Variants in INPP5D observed in about 807,000 individuals in gnomAD.
INPP5D encodes phosphatidylinositol 3,4,5-trisphosphate 5-phosphatase 1.
A neutral mutation model predicts 122.9 loss-of-function variants in INPP5D; 33 were observed. That is an observed-to-expected ratio of 0.27 (90% CI 0.20 to 0.36). The LOEUF is 0.36. INPP5D is among the 10% of genes least tolerant of loss of function. The probability of loss-of-function intolerance (pLI) is 1.00; values close to 1 mark genes in which losing one functional copy is unlikely to be tolerated. For missense variants in INPP5D, 1,053 were observed against 1,412.7 expected, an observed-to-expected ratio of 0.75 and a Z score of 4.08; for synonymous variants, 584 against 576.2, an observed-to-expected ratio of 1.01 and a Z score of -0.19.
chr2:233,122,238 C>G lies in INPP5D; in HGVS notation c.330C>G (p.Asp110Glu), dbSNP rs780515179. The stretch of plus-strand genomic sequence containing the variant: ...CGCTGGAGGAAGAGGACACAGGCGA[C>G]GACCCTGAGGAGGACACAGGTAGGG... Reference protein sequence around the residue: ...PVPLEEEDTGDDPEEDTVESV... With the variant: ...PVPLEEEDTGEDPEEDTVESV... The change falls in exon 3 of 27, where the codon GAC (aspartate) becomes GAG (glutamate). Residue 110 changes from aspartate to glutamate, a missense_variant. Coordinates refer to ENST00000445964, the MANE Select transcript of INPP5D (RefSeq NM_001017915.3). The G allele has an allele frequency of 6.2e-7, 1 of 1,613,560 alleles. No individual in the cohort carries two copies. The highest frequency in any genetic ancestry group is 1.7e-5 in the Admixed American group (1 of 59,968).
At chr2:233,184,939 T>A (rs1417489546) in intron 20 of INPP5D, among the ~76,000 whole-genome samples, 1 of 151,844 alleles carries the variant, frequency 6.6e-6, no homozygotes, top group African/African-American at 2.4e-5. Context: ...TGGCCCCTCT[T>A]GCTCGTTGGA....
At position 233,105,199 on chromosome 2, in the gene INPP5D, TG is replaced by T. The variant is rs1288241871; in HGVS notation, c.199-16905del. 4.6e-5 allele frequency among the ~76,000 whole-genome samples: 7 copies of T among 152,140 alleles called. No homozygotes were observed. The highest frequency in any genetic ancestry group is 1.7e-4 in the African/African-American group (7 of 41,436). Reference sequence around the variant, plus strand: ...GCAACAGAGCCCCCAGAAGTGGGGATGGGAGCAGGGGGGCGGTCAGTGGGTC... The same window carrying T: ...GCAACAGAGCCCCCAGAAGTGGGGATGGAGCAGGGGGGCGGTCAGTGGGTC... On this transcript the variant is annotated intron_variant, in intron 2 of 26. Transcript: ENST00000445964. This position sits in a 1 kb window ranked among gnomAD's most constrained non-coding sequence, Gnocchi z 4.0.
Position 233,193,966 on chromosome 2 carries a change from G to A in INPP5D, c.2596+5G>A. The A allele has an allele frequency of 6.3e-7, 1 of 1,589,444 alleles. No individual in the cohort carries two copies. Among genetic ancestry groups the A allele is most frequent in the Non-Finnish European group, 8.6e-7 (1 of 1,164,084 alleles). ...AGACGAGGGAGAAGCTCTATGGTAAGCAGCAAGCCCCTCCCCAGCGCCCTC... is the reference window on the plus strand; with the variant it reads ...AGACGAGGGAGAAGCTCTATGGTAAACAGCAAGCCCCTCCCCAGCGCCCTC... On this transcript the variant is annotated splice_donor_5th_base_variant and intron_variant, in intron 23 of 26. Coordinates refer to ENST00000445964, the MANE Select transcript of INPP5D (RefSeq NM_001017915.3).
In INPP5D at chr2:233,128,019, C is replaced by A. The variant is rs995232218; in HGVS notation, c.524+2100C>A. 6.6e-6 allele frequency among the ~76,000 whole-genome samples: 1 copy of A among 152,202 alleles called. No homozygotes were observed. Among genetic ancestry groups the A allele is most frequent in the Non-Finnish European group, 1.5e-5 (1 of 68,040 alleles). On this transcript the variant is annotated intron_variant, in intron 4 of 26. Transcript: ENST00000445964. This position sits in a 1 kb window ranked among gnomAD's most constrained non-coding sequence, Gnocchi z 4.5. ...AGATACATATTTTAATACAGGGGTC[C>A]CCAACCTGTGGACTATTAGGAACTG...
intron 4 of INPP5D, 48 bp downstream of exon 4, chr2:233,125,967 A>C: frequency 7.6e-6 from 12 of 1,574,960 alleles, no homozygotes; most frequent in Non-Finnish European, 1.0e-5. Flanking sequence ...CAGTGAGCCC[A>C]GCCAGGGCAG....
chr2:233,172,679 G>A (rs577620992), intron 17 of INPP5D, among the ~76,000 whole-genome samples: 8 of 152,212 alleles, frequency 5.3e-5, no homozygotes, highest in Non-Finnish European at 1.2e-4. Context: ...ATAGCGATGC[G>A]TCGCTTAACA....
At chr2:233,074,121 G>T (rs545313608) in intron 1 of INPP5D, among the ~76,000 whole-genome samples, 2 of 152,318 alleles carry the variant, frequency 1.3e-5, no homozygotes, top group African/African-American at 4.8e-5. Context: ...ACAAAGAACT[G>T]TCGAGAACAA....
intron 25 of INPP5D, among the ~76,000 whole-genome samples, chr2:233,201,860 G>A (rs543625668): frequency 6.6e-5 from 10 of 152,246 alleles, no homozygotes; most frequent in Admixed American, 3.3e-4. Flanking sequence ...GAATCAACTC[G>A]TCCCCTAGAT....
chr2:233,196,815 A>T (rs1250374560), intron 24 of INPP5D, among the ~76,000 whole-genome samples: 1 of 151,410 alleles, frequency 6.6e-6, no homozygotes, highest in African/African-American at 2.4e-5. Context: ...CCTTCCCCAC[A>T]ACTCATCCCC....
At chr2:233,084,614 T>C (rs1374403780) in intron 2 of INPP5D, among the ~76,000 whole-genome samples, 1 of 151,980 alleles carries the variant, frequency 6.6e-6, no homozygotes. Context: ...ATCCGGGAGG[T>C]GAACGGTTGA....
Position 233,082,772 on chromosome 2 carries a change from C to T in INPP5D, c.198+3374C>T, listed in dbSNP as rs1231379277. Among the ~76,000 whole-genome samples, 1 of 152,210 alleles carries T rather than the reference C, an allele frequency of 6.6e-6. No homozygotes were observed. Among genetic ancestry groups the T allele is most frequent in the Non-Finnish European group, 1.5e-5 (1 of 68,032 alleles). ...CCGAGATGGGAGGGCAGGATGCAAA[C>T]TGTAACTTCATCCAACCCCCTCGTT... On this transcript the variant is annotated intron_variant, in intron 2 of 26. Coordinates refer to ENST00000445964, the MANE Select transcript of INPP5D (RefSeq NM_001017915.3). The surrounding 1 kb of genome is among the most constrained non-coding windows in gnomAD (Gnocchi z 4.7).
rs556326067 is a variant in INPP5D, at chr2:233,109,641, C to T, written c.199-12466C>T. On this transcript the variant is annotated intron_variant, in intron 2 of 26. Coordinates refer to ENST00000445964, the MANE Select transcript of INPP5D (RefSeq NM_001017915.3). ...TTACCCAGGCTGGAGTACAATGGCG[C>T]GATCTCGGCTCACTGCAACCTCTGC... Among the ~76,000 whole-genome samples, 19 of 152,200 alleles carry T rather than the reference C, an allele frequency of 1.2e-4. No individual in the cohort carries two copies. In the South Asian group the frequency reaches 3.5e-3, roughly 28 times the overall value.
intron 10 of INPP5D, among the ~76,000 whole-genome samples, chr2:233,158,848 A>G (rs963081791): frequency 2.1e-4 from 32 of 152,124 alleles, no homozygotes; most frequent in African/African-American, 7.7e-4. Context: ...GCGTGATCAC[A>G]GCTCACGGCA....
At chr2:233,182,809 G>A (rs776666350) in intron 19 of INPP5D, among the ~76,000 whole-genome samples, 18 of 152,130 alleles carry the variant, frequency 1.2e-4, no homozygotes, top group African/African-American at 3.4e-4. Flanking sequence ...GATGGGAGGA[G>A]GGGGCGGGGG....
rs1380447753 is a variant in INPP5D at position 233,164,101 on chromosome 2, T to C, written c.1437+198T>C. Among the ~76,000 whole-genome samples the C allele has an allele frequency of 6.6e-6, 1 of 152,160 alleles. No individual in the cohort carries two copies. Among genetic ancestry groups the C allele is most frequent in the Admixed American group, 6.5e-5 (1 of 15,274 alleles). On this transcript the variant is annotated intron_variant, in intron 12 of 26. Coordinates refer to ENST00000445964, the MANE Select transcript of INPP5D (RefSeq NM_001017915.3). The surrounding 1 kb of genome is among the most constrained non-coding windows in gnomAD (Gnocchi z 4.3). ...TTGCTGAAAACCACTGAGTCCTCTA[T>C]CTTCCCACCCTTGGTCAGCCCCGGT...
Position 233,177,234 on chromosome 2 carries a change from A to AT in INPP5D, c.1990-25dup. On this transcript the variant is annotated intron_variant, in intron 17 of 26. Transcript: ENST00000445964. The surrounding 1 kb of genome is among the most constrained non-coding windows in gnomAD (Gnocchi z 4.2). ...GATTAAAAAAATAATAATAAGAGGC[A>AT]TTTTTTAAAGCCTATGACTTTGATT... The AT allele has an allele frequency of 6.2e-7, 1 of 1,613,274 alleles. No homozygotes were observed.
rs193203110 is a variant in INPP5D at position 233,100,959 on chromosome 2, C to G, written c.199-21148C>G. On this transcript the variant is annotated intron_variant, in intron 2 of 26. Coordinates refer to ENST00000445964, the MANE Select transcript of INPP5D (RefSeq NM_001017915.3). This position sits in a 1 kb window ranked among gnomAD's most constrained non-coding sequence, Gnocchi z 5.3. Reference sequence around the variant, plus strand: ...CCATCTTTCAGTGTTCCTCACTGAACGGTAATCCCCTCCGTGTGCCCCCAA... The same window carrying G: ...CCATCTTTCAGTGTTCCTCACTGAAGGGTAATCCCCTCCGTGTGCCCCCAA... Among the ~76,000 whole-genome samples, 502 of 132,512 alleles carry G rather than the reference C, an allele frequency of 3.8e-3. 3 individuals carry two copies. The highest frequency in any genetic ancestry group is 0.015 in the African/African-American group (479 of 31,504). The allele number at this position is 132,512 out of a possible 152,430, so 86.9% of individuals were successfully genotyped here.
At chr2:233,161,172 A>T (rs1694188495) in intron 10 of INPP5D, among the ~76,000 whole-genome samples, 1 of 150,442 alleles carries the variant, frequency 6.6e-6, no homozygotes, top group South Asian at 2.1e-4. Context: ...GCTCACTGCA[A>T]CCTCCACCTC....
chr2:233,192,282 G>T (rs1429310092), intron 22 of INPP5D, among the ~76,000 whole-genome samples: 1 of 152,140 alleles, frequency 6.6e-6, no homozygotes, highest in Admixed American at 6.5e-5. Context: ...TCTGCGACAC[G>T]GCAAGACCAT....
Sources: gnomAD v4.1 joint callset for allele counts (sites outside exome capture counted in the v4.1 genomes callset) on GRCh38, gnomAD v4.1.1 for gene constraint, Gnocchi (gnomAD v3.1) non-coding constraint, MANE v1.5 for transcripts, NCBI Gene and HGNC (gene_info 2026-07-23, HGNC 2026-07-21) for gene names.